The following PRXL2A variants were observed in gnomAD, a reference collection of about 807,000 sequenced individuals.
PRXL2A encodes peroxiredoxin like 2A.
Under a neutral mutation model 25.6 loss-of-function variants are expected in PRXL2A, and 26 were observed. The ratio of observed to expected loss-of-function variants is 1.02; its 90% CI spans 0.74 to 1.41. PRXL2A has a LOEUF of 1.41. PRXL2A is among the 40% of genes most tolerant of loss of function. The probability of loss-of-function intolerance (pLI) is 0.00; values close to 1 mark genes in which losing one functional copy is unlikely to be tolerated. For missense variants in PRXL2A, 246 were observed against 273.9 expected, an observed-to-expected ratio of 0.90 and a Z score of 0.72; for synonymous variants, 98 against 102.9, an observed-to-expected ratio of 0.95 and a Z score of 0.29.
chr10:80,429,726 CA>C (rs1443258023), intron 5 of PRXL2A, among the ~76,000 whole-genome samples: 2 of 152,026 alleles, frequency 1.3e-5, no homozygotes. Flanking sequence ...TCCCAGCGAC[CA>C]CTTCCTGATG....
rs376115780 is a variant in PRXL2A at position 80,427,421 on chromosome 10, C to T, written c.501C>T (p.Asn167=). 60 of 1,613,930 alleles carry T rather than the reference C, an allele frequency of 3.7e-5. 1 individual carries two copies. Among genetic ancestry groups the T allele is most frequent in the African/African-American group, 1.7e-4 (13 of 74,892 alleles). ...GGTACAACTTCTTCCGAGCCTGGAA[C>T]GGAGGCTTCTCTGGAAACCTGGAAG... ...GVWYNFFRAW[N]GGFSGNLEGE... The change falls in exon 5 of 6, where the codon AAC becomes AAT. Residue 167 remains asparagine, a synonymous_variant. Coordinates refer to ENST00000606162, the MANE Select transcript of PRXL2A (RefSeq NM_032333.5).
At chr10:80,431,879 C>T in intron 5 of PRXL2A, 107 bp from the exon 6 acceptor site, 2 of 784,644 alleles carry the variant, frequency 2.5e-6, no homozygotes, top group Non-Finnish European at 2.2e-6. Flanking sequence ...GGATCTGTGT[C>T]CTTTGCTATT....
chr10:80,413,955 A>G (rs1004754818), intron 1 of PRXL2A: 5 of 917,386 alleles, frequency 5.5e-6, no homozygotes, highest in African/African-American at 5.3e-5. Flanking sequence ...TGCCTTGTAT[A>G]GGAAAGAGAC....
At chr10:80,426,040 G>A (rs764724246) in intron 4 of PRXL2A, 34 bp downstream of exon 4, 2 of 1,613,082 alleles carry the variant, frequency 1.2e-6, no homozygotes, top group African/African-American at 1.3e-5. Flanking sequence ...GACACAGACT[G>A]CTGGGGATTG....
chr10:80,413,978 C>G, intron 1 of PRXL2A: 1 of 649,990 alleles, frequency 1.5e-6, no homozygotes, highest in Non-Finnish European at 2.0e-6. Flanking sequence ...GGTCTCGAAG[C>G]TGGAAACTGA....
rs1050156872 is a variant in PRXL2A at position 80,436,194 on chromosome 10, G to C, written c.*4095G>C. 3 of 149,952 alleles carry C rather than the reference G, an allele frequency of 2.0e-5. No individual in the cohort carries two copies. Among genetic ancestry groups the C allele is most frequent in the African/African-American group, 7.4e-5 (3 of 40,738 alleles). 9.3% of individuals were successfully genotyped at this position (149,952 alleles called of 1,614,324 possible). On this transcript the variant is annotated 3_prime_UTR_variant, in exon 6 of 6. Transcript: ENST00000606162. The stretch of plus-strand genomic sequence containing the variant: ...AGTAATGCAATCATGGCTCACTGCT[G>C]CCTTAACTTCTGGGCTCAAGTGATA...
At chr10:80,409,156 G>A in intron 1 of PRXL2A, 1 of 805,746 alleles carries the variant, frequency 1.2e-6, no homozygotes, top group Non-Finnish European at 1.5e-6. Context: ...GTTGTTCAGC[G>A]TTTCGGAGGC....
chr10:80,418,442 C>A (rs1208233717), intron 1 of PRXL2A, among the ~76,000 whole-genome samples: 1 of 152,088 alleles, frequency 6.6e-6, no homozygotes, highest in Non-Finnish European at 1.5e-5. Context: ...CCAAAGTCAC[C>A]ACCAACTCAC....
chr10:80,427,497 G>A lies in PRXL2A; in HGVS notation c.576+1G>A, dbSNP rs754689420. 6.2e-7 allele frequency: 1 copy of A among 1,614,026 alleles called. No homozygotes were observed. ...TTTCGTGGTGGGATCAGGAAAGCAG[G>A]TGAGTTCTTGGTGTTTACTTGTGGT... On this transcript the variant is annotated splice_donor_variant, in intron 5 of 5. Coordinates refer to ENST00000606162, the MANE Select transcript of PRXL2A (RefSeq NM_032333.5). LOFTEE classifies it high-confidence loss of function.
intron 1 of PRXL2A, among the ~76,000 whole-genome samples, chr10:80,414,345 C>A (rs965665227): frequency 6.6e-6 from 1 of 152,070 alleles, no homozygotes; most frequent in Middle Eastern, 3.2e-3. Context: ...TGTAAACAAC[C>A]CTACTATTCT....
At chr10:80,421,067 G>A (rs937156395) in intron 2 of PRXL2A, among the ~76,000 whole-genome samples, 1 of 152,196 alleles carries the variant, frequency 6.6e-6, no homozygotes, top group Admixed American at 6.5e-5. Context: ...AGGAGTTCCT[G>A]AGTGAACAAG....
At chr10:80,425,750 C>T (rs988350405) in intron 3 of PRXL2A, 116 bp from the exon 4 acceptor site, 2 of 1,336,384 alleles carry the variant, frequency 1.5e-6, no homozygotes, top group African/African-American at 2.9e-5. Flanking sequence ...GGAGCCTTGC[C>T]TCTGCTTTCC....
chr10:80,411,820 T>C (rs531408736), intron 1 of PRXL2A, among the ~76,000 whole-genome samples: 100 of 152,242 alleles, frequency 6.6e-4, no homozygotes, highest in African/African-American at 2.2e-3. Context: ...GCTTCTCCCC[T>C]ATCTCTGCCT....
chr10:80,422,560 C>A, intron 3 of PRXL2A, 52 bp downstream of exon 3: 1 of 1,447,922 alleles, frequency 6.9e-7, no homozygotes, highest in Non-Finnish European at 9.7e-7. Flanking sequence ...CAAGTAGGGG[C>A]CATTGTTTTC....
chr10:80,427,219 A>G (rs1276927200), intron 4 of PRXL2A, 113 bp from the exon 5 acceptor site: 2 of 816,538 alleles, frequency 2.4e-6, no homozygotes, highest in African/African-American at 1.7e-5. Context: ...GACTGGAACC[A>G]GCAGCCTTTT....
chr10:80,419,925 C>T (rs1409330935), intron 1 of PRXL2A: 1 of 966,678 alleles, frequency 1.0e-6, no homozygotes, highest in Non-Finnish European at 1.2e-6. Context: ...AGGATATGGT[C>T]CCTGTTTTTG....
chr10:80,431,858 A>G, intron 5 of PRXL2A, 128 bp from the exon 6 acceptor site: 1 of 698,974 alleles, frequency 1.4e-6, no homozygotes, highest in Non-Finnish European at 2.5e-6. Context: ...GGCAGGAGCC[A>G]GGCCATATTT....
intron 1 of PRXL2A, among the ~76,000 whole-genome samples, chr10:80,415,636 A>G (rs1282367735): frequency 1.3e-5 from 2 of 151,912 alleles, no homozygotes; most frequent in Non-Finnish European, 2.9e-5. Context: ...TTTTTTTGTT[A>G]TTTGTGTACC....
intron 5 of PRXL2A, 60 bp from the exon 6 acceptor site, chr10:80,431,926 C>A: frequency 1.7e-6 from 2 of 1,210,150 alleles, no homozygotes; most frequent in Admixed American, 3.8e-5. Flanking sequence ...GTCCTCGATG[C>A]CTGTCTCATG....
Sources: allele counts gnomAD v4.1 joint callset (sites outside exome capture counted in the v4.1 genomes callset), GRCh38; gene constraint gnomAD v4.1.1; transcripts MANE v1.5; gene names NCBI Gene and HGNC (gene_info 2026-07-23, HGNC 2026-07-21).